TBC1D16: variants seen among roughly 807,000 people sequenced by gnomAD.
TBC1D16 encodes TBC1 domain family member 16, also known as CTD-2529O21.1.
A neutral mutation model predicts 74.7 loss-of-function variants in TBC1D16; 58 were observed. The ratio of observed to expected loss-of-function variants is 0.78; its 90% CI spans 0.63 to 0.97. The LOEUF is 0.97. Ranked by LOEUF, TBC1D16 falls within the 50% of genes least tolerant of loss-of-function variation. The pLI, the probability that TBC1D16 is intolerant of heterozygous loss-of-function variation, is 0.00. For missense variants in TBC1D16, 1,014 were observed against 1,079.5 expected, an observed-to-expected ratio of 0.94 and a Z score of 0.85; for synonymous variants, 493 against 474.7, an observed-to-expected ratio of 1.04 and a Z score of -0.50.
chr17:80,024,473 ACCACACACCATAGACACACACC>A (rs2036438043), intron 1 of TBC1D16, among the ~76,000 whole-genome samples: 1 of 19,020 alleles, frequency 5.3e-5, no homozygotes, highest in Non-Finnish European at 1.1e-4. Flanking sequence ...AGACACACAC[ACCACACACCATAGACACACACC>A]ACACGCACCA....
chr17:79,993,924 G>A lies in TBC1D16; in HGVS notation c.779+16236C>T, dbSNP rs186879486. On this transcript the variant is annotated intron_variant, in intron 3 of 11. Transcript: ENST00000310924. The surrounding 1 kb of genome is among the most constrained non-coding windows in gnomAD (Gnocchi z 5.1). ...GGCCGGGGTTGCGTCAAGGCCTCCCGGAGCAGCTGTCAATGGTTTCTGAGC... is the reference window on the plus strand; with the variant it reads ...GGCCGGGGTTGCGTCAAGGCCTCCCAGAGCAGCTGTCAATGGTTTCTGAGC... 2.6e-5 allele frequency among the ~76,000 whole-genome samples: 4 copies of A among 152,246 alleles called. No individual in the cohort carries two copies. The highest frequency in any genetic ancestry group is 1.3e-4 in the Admixed American group (2 of 15,298).
intron 1 of TBC1D16, chr17:80,025,770 A>C (rs1341429278): frequency 6.7e-6 from 1 of 149,540 alleles, no homozygotes; most frequent in Non-Finnish European, 1.5e-5. Context: ...GGACCCTGGA[A>C]GGTTCACCTG....
chr17:79,962,201 ATTTTTTTTTTTTTTTTT>A (rs563506473), intron 3 of TBC1D16, among the ~76,000 whole-genome samples: 3 of 64,920 alleles, frequency 4.6e-5, no homozygotes, highest in African/African-American at 1.8e-4. Flanking sequence ...ATCTCAACCT[ATTTTTTTTTTTTTTTTT>A]TTTTTTTTTT....
chr17:79,940,411 C>T lies in TBC1D16; in HGVS notation c.*448G>A, dbSNP rs909141714. The T allele has an allele frequency of 1.3e-5, 2 of 155,336 alleles. No homozygotes were observed. Among genetic ancestry groups the T allele is most frequent in the African/African-American group, 4.8e-5 (2 of 41,566 alleles). The allele number at this position is 155,336 out of a possible 1,614,324, so 9.6% of individuals were successfully genotyped here. A position where few individuals can be genotyped will look rare whatever the true frequency, so the allele number is the denominator to read the frequency against. Reference sequence around the variant, plus strand: ...AAGTGTGTCTGGCTTGCAAAGATGTCCCTGGGCCTGGACAGGACCCCGCTG... The same window carrying T: ...AAGTGTGTCTGGCTTGCAAAGATGTTCCTGGGCCTGGACAGGACCCCGCTG... On this transcript the variant is annotated 3_prime_UTR_variant, in exon 12 of 12. Coordinates refer to ENST00000310924, the MANE Select transcript of TBC1D16 (RefSeq NM_019020.4). The surrounding 1 kb of genome is among the most constrained non-coding windows in gnomAD (Gnocchi z 5.4).
intron 3 of TBC1D16, among the ~76,000 whole-genome samples, chr17:79,964,971 G>A (rs575047801): frequency 1.0e-3 from 157 of 152,180 alleles, no homozygotes; most frequent in Middle Eastern, 6.8e-3. Flanking sequence ...ACTATAATGT[G>A]ATCATATCTA....
rs550050992 is a variant in TBC1D16, at chr17:79,985,547, G to A, written c.779+24613C>T. On this transcript the variant is annotated intron_variant, in intron 3 of 11. Coordinates refer to ENST00000310924, the MANE Select transcript of TBC1D16 (RefSeq NM_019020.4). The surrounding 1 kb of genome is among the most constrained non-coding windows in gnomAD (Gnocchi z 4.9). Reference sequence around the variant, plus strand: ...GAGCATCTCCCAGTCCAGTCTCAGCGGGCACTGGCCTGGCACTCACGCTCG... The same window carrying A: ...GAGCATCTCCCAGTCCAGTCTCAGCAGGCACTGGCCTGGCACTCACGCTCG... Among the ~76,000 whole-genome samples, 1 of 152,328 alleles carries A rather than the reference G, an allele frequency of 6.6e-6. No individual in the cohort carries two copies. Among genetic ancestry groups the A allele is most frequent in the Non-Finnish European group, 1.5e-5 (1 of 68,028 alleles).
In TBC1D16 at chr17:80,007,054, C is replaced by A. The variant is rs1394949615; in HGVS notation, c.779+3106G>T. Among the ~76,000 whole-genome samples, 2 of 152,230 alleles carry A rather than the reference C, an allele frequency of 1.3e-5. No individual in the cohort carries two copies. Among genetic ancestry groups the A allele is most frequent in the African/African-American group, 4.8e-5 (2 of 41,450 alleles). On this transcript the variant is annotated intron_variant, in intron 3 of 11. Transcript: ENST00000310924. The surrounding 1 kb of genome is among the most constrained non-coding windows in gnomAD (Gnocchi z 4.5). ...CTCCAGCCTTGCACTGAAGCACACG[C>A]TTCTGGCGGGGTGGGGAGAGTCCCA...
chr17:79,967,908 T>C (rs1226271982), intron 3 of TBC1D16, among the ~76,000 whole-genome samples: 1 of 152,238 alleles, frequency 6.6e-6, no homozygotes, highest in Non-Finnish European at 1.5e-5. Context: ...TGGAATAGAA[T>C]TGAGAGTCCA....
In TBC1D16 at chr17:79,985,646, T is replaced by C. The variant is rs928077906; in HGVS notation, c.779+24514A>G. Among the ~76,000 whole-genome samples the C allele has an allele frequency of 4.6e-5, 7 of 152,244 alleles. No homozygotes were observed. The highest frequency in any genetic ancestry group is 2.0e-4 in the Admixed American group (3 of 15,306). ...CCCATCCGGTGGCAGCCATTCCGCA[T>C]TGATCTCCATTTGCTTTTCAAACAT... On this transcript the variant is annotated intron_variant, in intron 3 of 11. Transcript: ENST00000310924. The surrounding 1 kb of genome is among the most constrained non-coding windows in gnomAD (Gnocchi z 4.9).
chr17:79,949,910 C>CTCT, intron 6 of TBC1D16, 45 bp from the exon 7 acceptor site: 2 of 1,592,092 alleles, frequency 1.3e-6, no homozygotes, highest in Non-Finnish European at 1.7e-6. Context: ...AATGGGGCAG[C>CTCT]TCAAAGAACC....
intron 3 of TBC1D16, among the ~76,000 whole-genome samples, chr17:79,973,552 A>G (rs1290380109): frequency 1.3e-5 from 2 of 152,092 alleles, no homozygotes; most frequent in Non-Finnish European, 2.9e-5. Context: ...TACTAAAAAT[A>G]CAAAAAAAAT....
intron 3 of TBC1D16, among the ~76,000 whole-genome samples, chr17:79,996,781 G>C (rs1598404494): frequency 6.6e-6 from 1 of 152,084 alleles, no homozygotes; most frequent in Non-Finnish European, 1.5e-5. Context: ...ATATGACTCG[G>C]CAAGTGCATT....
rs11150821 is a variant in TBC1D16, at chr17:79,944,019, C to A, written c.1908+889G>T. Reference sequence around the variant, plus strand: ...GCCAGGAGGGAAACCTAGACCCGGGCCAGGGGCGAGCCGATGACCGCATGC... The same window carrying A: ...GCCAGGAGGGAAACCTAGACCCGGGACAGGGGCGAGCCGATGACCGCATGC... On this transcript the variant is annotated intron_variant, in intron 10 of 11. Transcript: ENST00000310924. The surrounding 1 kb of genome is among the most constrained non-coding windows in gnomAD (Gnocchi z 7.7). The A allele has an allele frequency of 0.11, 169,437 of 1,534,636 alleles. 11,223 individuals carry two copies. The highest frequency in any genetic ancestry group is 0.31 in the Admixed American group (15,961 of 50,906).
chr17:79,981,236 C>T lies in TBC1D16; in HGVS notation c.780-28418G>A, dbSNP rs1359744312. Among the ~76,000 whole-genome samples the T allele has an allele frequency of 6.6e-6, 1 of 152,220 alleles. No homozygotes were observed. The highest frequency in any genetic ancestry group is 6.5e-5 in the Admixed American group (1 of 15,286). On this transcript the variant is annotated intron_variant, in intron 3 of 11. Coordinates refer to ENST00000310924, the MANE Select transcript of TBC1D16 (RefSeq NM_019020.4). This position sits in a 1 kb window ranked among gnomAD's most constrained non-coding sequence, Gnocchi z 6.9. ...GTTTCAGGGGAGCCAGCATCTTCCG[C>T]ACCAATGCACTGCTTGGCCCGGCTC...
At chr17:80,028,759 C>T (rs148106003) in intron 1 of TBC1D16, among the ~76,000 whole-genome samples, 6 of 151,334 alleles carry the variant, frequency 4.0e-5, no homozygotes, top group East Asian at 4.0e-4. Flanking sequence ...TACAGGCGCG[C>T]GCCACCACAC....
At chr17:80,025,060 C>A (rs2036509830) in intron 1 of TBC1D16, among the ~76,000 whole-genome samples, 1 of 95,620 alleles carries the variant, frequency 1.0e-5, no homozygotes, top group African/African-American at 4.8e-5. Flanking sequence ...CAGGCACACA[C>A]ACTATGACAC....
chr17:79,991,222 G>A (rs779270427), intron 3 of TBC1D16, among the ~76,000 whole-genome samples: 4 of 152,222 alleles, frequency 2.6e-5, no homozygotes, highest in African/African-American at 9.7e-5. Context: ...CGTCCACGCC[G>A]GGAGAGCAGG....
chr17:80,003,278 G>T (rs1196743874), intron 3 of TBC1D16, among the ~76,000 whole-genome samples: 1 of 152,190 alleles, frequency 6.6e-6, no homozygotes, highest in Non-Finnish European at 1.5e-5. Context: ...AAACTCTGAG[G>T]CCAGGCCACC....
intron 3 of TBC1D16, among the ~76,000 whole-genome samples, chr17:80,006,379 A>G (rs1377403617): frequency 6.6e-6 from 1 of 152,202 alleles, no homozygotes; most frequent in Non-Finnish European, 1.5e-5. Context: ...CCTGGGCATC[A>G]GGATTTTTAA....
Sources: allele counts gnomAD v4.1 joint callset (sites outside exome capture counted in the v4.1 genomes callset), GRCh38; gene constraint gnomAD v4.1.1; non-coding constraint Gnocchi (gnomAD v3.1); transcripts MANE v1.5; gene names NCBI Gene and HGNC (gene_info 2026-07-23, HGNC 2026-07-21).